The following NPAS3 variants were observed in gnomAD, a reference collection of about 807,000 sequenced individuals.
NPAS3 encodes the protein neuronal PAS domain protein 3.
In NPAS3, 14 loss-of-function variants were observed where a neutral mutation model predicts 73.1. That is an observed-to-expected ratio of 0.19 (90% confidence interval 0.13 to 0.30). The LOEUF is 0.30. Among genes scored for constraint, NPAS3 ranks in the 10% least tolerant of loss-of-function variants. The pLI is 1.00. For missense variants in NPAS3, 1,096 were observed against 1,250.0 expected, an observed-to-expected ratio of 0.88 and a Z score of 1.86; for synonymous variants, 620 against 541.5, an observed-to-expected ratio of 1.14 and a Z score of -2.01.
chr14:33,577,347 T>C (rs1251530124), intron 5 of NPAS3, among the ~76,000 whole-genome samples: 1 of 152,180 alleles, frequency 6.6e-6, no homozygotes, highest in Non-Finnish European at 1.5e-5. Flanking sequence ...CTTCCTCTGC[T>C]TTCTGAGATT....
chr14:33,177,665 C>T (rs1361863593), intron 2 of NPAS3, among the ~76,000 whole-genome samples: 1 of 151,326 alleles, frequency 6.6e-6, no homozygotes, highest in Non-Finnish European at 1.5e-5. Context: ...ATCCATTTTA[C>T]ATTCAATTTT....
chr14:32,990,433 GT>G (rs547135153), intron 1 of NPAS3, among the ~76,000 whole-genome samples: 96 of 152,218 alleles, frequency 6.3e-4, no homozygotes, highest in Admixed American at 5.5e-3. Flanking sequence ...TTCCAGATAG[GT>G]TGATGTGACT....
At chr14:33,380,041 G>A (rs976130917) in intron 4 of NPAS3, among the ~76,000 whole-genome samples, 6 of 133,716 alleles carry the variant, frequency 4.5e-5, no homozygotes, top group African/African-American at 1.7e-4. Context: ...ACAAAGTGGG[G>A]GGGAAAAAGA....
At chr14:32,938,893 T>C (rs1246875882), upstream of NPAS3, among the ~76,000 whole-genome samples, 26 of 141,830 alleles carry the variant, frequency 1.8e-4, 1 homozygote, top group South Asian at 5.9e-3. Context: ...GTCGCCTGTC[T>C]CCGCGCCGGG....
Position 33,509,774 on chromosome 14 carries a change from A to C in NPAS3, c.469-50347A>C, listed in dbSNP as rs1485469525. On this transcript the variant is annotated intron_variant, in intron 4 of 11. Coordinates refer to ENST00000356141, the Ensembl canonical transcript of NPAS3. ...GCCTTAACCATGAAATTAGGGCATG[A>C]CTTCTGAAAGCTCTTTATGACTCTT... 2.0e-5 allele frequency among the ~76,000 whole-genome samples: 3 copies of C among 152,172 alleles called. No homozygotes were observed. The East Asian group carries it at 5.8e-4, about 30-fold the overall frequency.
At chr14:33,695,273 T>C (rs1463295477) in intron 6 of NPAS3, among the ~76,000 whole-genome samples, 2 of 152,360 alleles carry the variant, frequency 1.3e-5, no homozygotes, top group East Asian at 3.8e-4. Flanking sequence ...TGAGAGACTC[T>C]GACTTTTAAG....
intron 7 of NPAS3, among the ~76,000 whole-genome samples, chr14:33,743,750 T>C (rs1195616351): frequency 1.3e-5 from 2 of 152,262 alleles, no homozygotes; most frequent in African/African-American, 4.8e-5. Flanking sequence ...TTTAATGTAG[T>C]TACCTTCATC....
intron 5 of NPAS3, among the ~76,000 whole-genome samples, chr14:33,572,668 C>T (rs1221484760): frequency 6.6e-6 from 1 of 152,126 alleles, no homozygotes; most frequent in South Asian, 2.1e-4. Flanking sequence ...TCAAATTATT[C>T]GTTTTATGTG....
chr14:33,263,718 G>A (rs2049061075), intron 3 of NPAS3, among the ~76,000 whole-genome samples: 1 of 152,116 alleles, frequency 6.6e-6, no homozygotes, highest in Admixed American at 6.5e-5. Flanking sequence ...GGGTAGTATG[G>A]CCATTTTCAT....
chr14:33,765,353 G>A (rs886096050), intron 7 of NPAS3, among the ~76,000 whole-genome samples: 1 of 151,068 alleles, frequency 6.6e-6, no homozygotes, highest in Non-Finnish European at 1.5e-5. Context: ...GCTCCCCACT[G>A]GAGCCATCAA....
intron 4 of NPAS3, among the ~76,000 whole-genome samples, chr14:33,552,907 G>T (rs192667821): frequency 2.6e-5 from 4 of 152,152 alleles, no homozygotes; most frequent in Non-Finnish European, 5.9e-5. Flanking sequence ...GAAGTCTACC[G>T]TTCAGTAATT....
chr14:33,568,391 A>G (rs1480665601), intron 5 of NPAS3, among the ~76,000 whole-genome samples: 1 of 152,164 alleles, frequency 6.6e-6, no homozygotes, highest in East Asian at 1.9e-4. Context: ...AGTATTTTCT[A>G]TATGGTATTA....
In NPAS3 at chr14:33,253,161, C is replaced by T. The variant is rs564339906; in HGVS notation, c.385+37735C>T. ...CCAGTAGTGGAATTGCCGGGTCAAA[C>T]GGTAGTTCTGTTTTCAGTTTTTTTG... On this transcript the variant is annotated intron_variant, in intron 3 of 11. Transcript: ENST00000356141. Among the ~76,000 whole-genome samples, 24 of 152,136 alleles carry T rather than the reference C, an allele frequency of 1.6e-4. 1 individual carries two copies. Among genetic ancestry groups the T allele is most frequent in the East Asian group, 1.5e-3 (8 of 5,178 alleles).
intron 6 of NPAS3, among the ~76,000 whole-genome samples, chr14:33,731,302 C>T (rs1274356202): frequency 6.6e-6 from 1 of 151,318 alleles, no homozygotes; most frequent in African/African-American, 2.4e-5. Context: ...ACTTGTGATC[C>T]CAGCTACTCA....
intron 5 of NPAS3, chr14:33,608,345 T>C (rs1173991925): frequency 1.3e-5 from 2 of 152,222 alleles, no homozygotes; most frequent in Non-Finnish European, 2.9e-5. Context: ...AGGCAATATC[T>C]ACTTTTAAAG....
intron 5 of NPAS3, among the ~76,000 whole-genome samples, chr14:33,638,623 T>C (rs971826839): frequency 6.6e-6 from 1 of 152,244 alleles, no homozygotes; most frequent in East Asian, 1.9e-4. Flanking sequence ...GTAGTTTTAA[T>C]TGCAAGTGAG....
intron 4 of NPAS3, among the ~76,000 whole-genome samples, chr14:33,491,306 G>A (rs2051884973): frequency 6.6e-6 from 1 of 151,776 alleles, no homozygotes; most frequent in South Asian, 2.1e-4. Context: ...ACTCAGCGTT[G>A]TATTAGGGAT....
chr14:33,357,051 C>T (rs969412582), intron 3 of NPAS3, among the ~76,000 whole-genome samples: 27 of 152,194 alleles, frequency 1.8e-4, no homozygotes, highest in African/African-American at 5.8e-4. Context: ...AAATCATAGC[C>T]TCTGTAGGTA....
intron 2 of NPAS3, among the ~76,000 whole-genome samples, chr14:33,113,012 C>T (rs1258294861): frequency 6.6e-6 from 1 of 152,022 alleles, no homozygotes; most frequent in African/African-American, 2.4e-5. Context: ...CTCTGTTCTG[C>T]TCCATTGGTC....
Sources: gnomAD v4.1 joint callset for allele counts (sites outside exome capture counted in the v4.1 genomes callset) on GRCh38, gnomAD v4.1.1 for gene constraint, MANE v1.5 for transcripts, NCBI Gene and HGNC (gene_info 2026-07-23, HGNC 2026-07-21) for gene names.